CPA6: variants seen among roughly 807,000 people sequenced by gnomAD.
The protein encoded by CPA6 is carboxypeptidase A6.
Under a neutral mutation model 63.3 loss-of-function variants are expected in CPA6, and 58 were observed. The ratio of observed to expected loss-of-function variants is 0.92; its 90% CI spans 0.74 to 1.14. The LOEUF (loss-of-function observed/expected upper bound fraction) is 1.14. CPA6 is among the 50% of genes most tolerant of loss of function. The probability of loss-of-function intolerance (pLI) is 0.00; values close to 1 mark genes in which losing one functional copy is unlikely to be tolerated. For missense variants in CPA6, 565 were observed against 526.6 expected, an observed-to-expected ratio of 1.07 and a Z score of -0.71; for synonymous variants, 185 against 179.0, an observed-to-expected ratio of 1.03 and a Z score of -0.27.
intron 8 of CPA6, among the ~76,000 whole-genome samples, chr8:67,449,296 ACT>A (rs1281573561): frequency 4.0e-5 from 6 of 151,646 alleles, no homozygotes; most frequent in African/African-American, 1.2e-4. Context: ...CAATTATTGG[ACT>A]CTCTGTTCTG....
At chr8:67,524,335 G>A (rs776978689) in intron 2 of CPA6, among the ~76,000 whole-genome samples, 58 of 152,270 alleles carry the variant, frequency 3.8e-4, no homozygotes, top group Middle Eastern at 3.4e-3. Context: ...CAAAAGCTGG[G>A]ATGGTTTAAA....
At chr8:67,699,097 C>A (rs1035628414) in intron 1 of CPA6, among the ~76,000 whole-genome samples, 7 of 152,136 alleles carry the variant, frequency 4.6e-5, no homozygotes, top group Non-Finnish European at 8.8e-5. Context: ...GACTTCTGGG[C>A]ACTTGGAGCC....
At chr8:67,662,964 C>A (rs920207991) in intron 1 of CPA6, among the ~76,000 whole-genome samples, 1 of 152,186 alleles carries the variant, frequency 6.6e-6, no homozygotes, top group Non-Finnish European at 1.5e-5. Context: ...AAGAAGTGCA[C>A]CAAAGTCAAA....
intron 1 of CPA6, among the ~76,000 whole-genome samples, chr8:67,725,910 G>A (rs1817587854): frequency 6.6e-6 from 1 of 152,154 alleles, no homozygotes; most frequent in Non-Finnish European, 1.5e-5. Context: ...TTTTAGATAT[G>A]TATGCTACTT....
At chr8:67,547,858 A>G (rs539287136) in intron 2 of CPA6, among the ~76,000 whole-genome samples, 5 of 152,286 alleles carry the variant, frequency 3.3e-5, no homozygotes, top group African/African-American at 9.6e-5. Flanking sequence ...TTAATTTACA[A>G]TATTTACTGG....
At chr8:67,741,586 C>T (rs1170068855) in intron 1 of CPA6, among the ~76,000 whole-genome samples, 1 of 152,186 alleles carries the variant, frequency 6.6e-6, no homozygotes, top group African/African-American at 2.4e-5. Context: ...AGCTCTGCCT[C>T]CTGTCGATCA....
At chr8:67,736,261 G>T (rs147367250) in intron 1 of CPA6, among the ~76,000 whole-genome samples, 382 of 152,234 alleles carry the variant, frequency 2.5e-3, no homozygotes, top group Non-Finnish European at 4.0e-3. Flanking sequence ...AGGAGTAAAA[G>T]CAAAAGGGCA....
At chr8:67,450,787 A>G (rs1051314632) in intron 8 of CPA6, among the ~76,000 whole-genome samples, 1 of 152,128 alleles carries the variant, frequency 6.6e-6, no homozygotes, top group African/African-American at 2.4e-5. Context: ...ACCAACACCA[A>G]CTTTCTTTAG....
At chr8:67,518,462 G>A (rs528098590) in intron 2 of CPA6, among the ~76,000 whole-genome samples, 25 of 151,458 alleles carry the variant, frequency 1.7e-4, no homozygotes, top group Admixed American at 1.4e-3. Flanking sequence ...AATTTCAAAT[G>A]GAACATTCTC....
intron 3 of CPA6, 96 bp downstream of exon 3, chr8:67,517,827 A>C (rs985966438): frequency 1.9e-5 from 24 of 1,272,636 alleles, no homozygotes; most frequent in Non-Finnish European, 2.6e-5. Flanking sequence ...TACCCAAAAC[A>C]CTGTTGTAAG....
At chr8:67,525,305 T>C (rs1812338650) in intron 2 of CPA6, among the ~76,000 whole-genome samples, 1 of 152,218 alleles carries the variant, frequency 6.6e-6, no homozygotes, top group African/African-American at 2.4e-5. Context: ...GCTCTAGTTG[T>C]TTTGTCATTA....
At chr8:67,701,392 A>C (rs1239115923) in intron 1 of CPA6, among the ~76,000 whole-genome samples, 1 of 152,208 alleles carries the variant, frequency 6.6e-6, no homozygotes. Context: ...TCTAATAAAC[A>C]GGTAATATTT....
At chr8:67,651,450 T>A (rs1252811869) in intron 1 of CPA6, among the ~76,000 whole-genome samples, 1 of 152,128 alleles carries the variant, frequency 6.6e-6, no homozygotes, top group East Asian at 1.9e-4. Context: ...TTTCCTTTTA[T>A]TTATTTATTT....
At chr8:67,502,538 A>G (rs184897864) in intron 6 of CPA6, among the ~76,000 whole-genome samples, 2 of 151,362 alleles carry the variant, frequency 1.3e-5, no homozygotes, top group East Asian at 3.9e-4. Context: ...CTTTGGGTTT[A>G]TTTTCTATTT....
intron 9 of CPA6, among the ~76,000 whole-genome samples, 160 bp downstream of exon 9, chr8:67,433,877 TC>T (rs1810083563): frequency 6.6e-6 from 1 of 152,218 alleles, no homozygotes; most frequent in African/African-American, 2.4e-5. Flanking sequence ...AAAAGCTGCC[TC>T]ATATGATTGT....
At position 67,442,663 on chromosome 8, in the gene CPA6, A is replaced by G. The variant is rs1439863191; in HGVS notation, c.839-8423T>C. Among the ~76,000 whole-genome samples, 5 of 152,276 alleles carry G rather than the reference A, an allele frequency of 3.3e-5. No homozygotes were observed. In the East Asian group the frequency reaches 9.7e-4, roughly 29 times the overall value. ...TAGGAACTAGTTCATGGAACATCTT[A>G]TTTATGACGCAAAGGAGCTTGTAGT... On this transcript the variant is annotated intron_variant, in intron 8 of 10. Transcript: ENST00000297770.
At chr8:67,653,735 TC>T (rs1373386367) in intron 1 of CPA6, among the ~76,000 whole-genome samples, 1 of 152,092 alleles carries the variant, frequency 6.6e-6, no homozygotes, top group African/African-American at 2.4e-5. Flanking sequence ...ACCCTTTATT[TC>T]CTTCTCCTGC....
chr8:67,432,828 T>C (rs1279310437), intron 9 of CPA6, among the ~76,000 whole-genome samples: 2 of 152,106 alleles, frequency 1.3e-5, no homozygotes, highest in Non-Finnish European at 1.5e-5. Flanking sequence ...TGTGAGTCAT[T>C]CTAGTGAATT....
intron 8 of CPA6, among the ~76,000 whole-genome samples, chr8:67,436,652 CAA>C (rs1226610494): frequency 6.6e-6 from 1 of 151,652 alleles, no homozygotes; most frequent in African/African-American, 2.4e-5. Context: ...ATCTTCAAAA[CAA>C]AATTTTAATA....
Sources: gnomAD v4.1 joint callset for allele counts (sites outside exome capture counted in the v4.1 genomes callset) on GRCh38, gnomAD v4.1.1 for gene constraint, MANE v1.5 for transcripts, NCBI Gene and HGNC (gene_info 2026-07-23, HGNC 2026-07-21) for gene names.